ZNF385D: variants seen among roughly 807,000 people sequenced by gnomAD.
The protein encoded by ZNF385D is zinc finger protein 385D, also known as zinc finger protein 659.
In ZNF385D, 15 loss-of-function variants were observed where a neutral mutation model predicts 35.8. That is an observed-to-expected ratio of 0.42 (90% CI 0.28 to 0.64). The LOEUF (loss-of-function observed/expected upper bound fraction) is 0.64, where lower values mean the gene tolerates loss of function less well. Among genes scored for constraint, ZNF385D ranks in the 30% least tolerant of loss-of-function variants. ZNF385D has a pLI of 0.23. For missense variants in ZNF385D, 474 were observed against 494.6 expected, an observed-to-expected ratio of 0.96 and a Z score of 0.39; for synonymous variants, 212 against 186.8, an observed-to-expected ratio of 1.13 and a Z score of -1.10.
chr3:22,181,084 T>G (rs143777589), intron 2 of ZNF385D, among the ~76,000 whole-genome samples: 1 of 152,162 alleles, frequency 6.6e-6, no homozygotes, highest in East Asian at 1.9e-4. Flanking sequence ...AATATAGACT[T>G]TCTTATATTA....
intron 2 of ZNF385D, among the ~76,000 whole-genome samples, chr3:22,178,345 G>A (rs1694976915): frequency 6.6e-6 from 1 of 152,204 alleles, no homozygotes; most frequent in Non-Finnish European, 1.5e-5. Flanking sequence ...GTGATGATAA[G>A]CATTTTTTCA....
chr3:22,190,223 A>C (rs1359758753), intron 2 of ZNF385D, among the ~76,000 whole-genome samples: 1 of 152,284 alleles, frequency 6.6e-6, no homozygotes, highest in African/African-American at 2.4e-5. Context: ...TTGAAAATCA[A>C]ATCTATGAGA....
intron 2 of ZNF385D, among the ~76,000 whole-genome samples, chr3:22,184,072 C>G (rs2336676): frequency 0.14 from 21,250 of 152,054 alleles, 1,593 homozygotes; most frequent in East Asian, 0.24. Flanking sequence ...GAGTTCTGAT[C>G]ATTAATTTAC....
intron 2 of ZNF385D, among the ~76,000 whole-genome samples, chr3:21,600,777 G>A (rs773247490): frequency 6.6e-6 from 1 of 151,878 alleles, no homozygotes; most frequent in Non-Finnish European, 1.5e-5. Context: ...AAAGGATGCT[G>A]ATGAATATCC....
chr3:22,163,421 G>A (rs183687350), intron 3 of ZNF385D, among the ~76,000 whole-genome samples: 2 of 152,114 alleles, frequency 1.3e-5, no homozygotes, highest in African/African-American at 4.8e-5. Context: ...GCTTTTCACT[G>A]TGATCTTCAG....
At chr3:21,901,312 G>C (rs901089466) in intron 3 of ZNF385D, among the ~76,000 whole-genome samples, 1 of 151,994 alleles carries the variant, frequency 6.6e-6, no homozygotes, top group African/African-American at 2.4e-5. Context: ...CCTAAACTTT[G>C]GTTTACAGTT....
At chr3:21,687,108 A>G in intron 1 of ZNF385D, among the ~76,000 whole-genome samples, 1 of 152,206 alleles carries the variant, frequency 6.6e-6, no homozygotes, top group Non-Finnish European at 1.5e-5. Flanking sequence ...AGGAAGCCAG[A>G]CCAGCTTCTG....
At chr3:21,477,085 C>T (rs973431128) in intron 4 of ZNF385D, among the ~76,000 whole-genome samples, 7 of 152,172 alleles carry the variant, frequency 4.6e-5, no homozygotes, top group East Asian at 1.9e-4. Flanking sequence ...CAAGAGACTA[C>T]GCCACTCCAG....
intron 3 of ZNF385D, among the ~76,000 whole-genome samples, chr3:22,027,596 G>A (rs868701305): frequency 1.8e-4 from 28 of 152,232 alleles, no homozygotes; most frequent in African/African-American, 6.3e-4. Flanking sequence ...TTTGACTATG[G>A]CTCATCAAAT....
At chr3:22,239,294 G>A (rs909867023) in intron 2 of ZNF385D, among the ~76,000 whole-genome samples, 16 of 150,958 alleles carry the variant, frequency 1.1e-4, no homozygotes, top group South Asian at 2.2e-4. Context: ...GTGCTTTCAC[G>A]CTAAAATGGT....
At chr3:22,212,861 T>G (rs1312042976) in intron 2 of ZNF385D, among the ~76,000 whole-genome samples, 1 of 152,006 alleles carries the variant, frequency 6.6e-6, no homozygotes, top group African/African-American at 2.4e-5. Flanking sequence ...TATTAAGTAA[T>G]ACTTAATTTC....
rs543641993 is a variant in ZNF385D, at chr3:21,536,408, T to C, written c.277-25385A>G. ...ATAGCTTCTCCCATTTCTCCTAATG[T>C]TGTCTCCATTTATTGTCATGGTGTG... On this transcript the variant is annotated intron_variant, in intron 3 of 7. Transcript: ENST00000281523. 7.0e-4 allele frequency among the ~76,000 whole-genome samples: 107 copies of C among 152,238 alleles called. 2 individuals are homozygous for C. The highest frequency in any genetic ancestry group is 7.4e-4 in the Non-Finnish European group (50 of 68,026).
At chr3:22,289,898 A>G (rs937106) in intron 2 of ZNF385D, among the ~76,000 whole-genome samples, 12,252 of 152,072 alleles carry the variant, frequency 0.081, 1,290 homozygotes, top group African/African-American at 0.25. Flanking sequence ...AGCTCAGTTA[A>G]CTCTCTAATG....
At chr3:22,099,897 C>A (rs1335782879) in intron 3 of ZNF385D, among the ~76,000 whole-genome samples, 2 of 103,636 alleles carry the variant, frequency 1.9e-5, no homozygotes, top group South Asian at 3.2e-4. Context: ...GAACTGAGAT[C>A]CTGGTAAAAC....
At chr3:21,708,298 G>T (rs1473960892) in intron 1 of ZNF385D, among the ~76,000 whole-genome samples, 2 of 152,226 alleles carry the variant, frequency 1.3e-5, no homozygotes, top group Non-Finnish European at 2.9e-5. Flanking sequence ...TCTGCAAGCA[G>T]TATTTCATGT....
chr3:21,706,429 T>A (rs1275442945), intron 1 of ZNF385D, among the ~76,000 whole-genome samples: 1 of 152,170 alleles, frequency 6.6e-6, no homozygotes, highest in African/African-American at 2.4e-5. Flanking sequence ...TGGTAAAAAC[T>A]ACAGTGATGC....
At chr3:21,660,084 G>T (rs1007396429) in intron 2 of ZNF385D, among the ~76,000 whole-genome samples, 13 of 151,720 alleles carry the variant, frequency 8.6e-5, no homozygotes, top group African/African-American at 3.1e-4. Context: ...GGAGTCAGCT[G>T]CTAGGACTTG....
At chr3:22,014,030 C>T (rs1008835487) in intron 3 of ZNF385D, among the ~76,000 whole-genome samples, 3 of 151,968 alleles carry the variant, frequency 2.0e-5, no homozygotes, top group Non-Finnish European at 2.9e-5. Context: ...GAAGCAACCC[C>T]AAGAAATACA....
intron 2 of ZNF385D, among the ~76,000 whole-genome samples, chr3:21,658,570 A>G (rs1196898195): frequency 1.3e-5 from 2 of 150,402 alleles, no homozygotes; most frequent in Non-Finnish European, 3.0e-5. Flanking sequence ...ATTTATCTAT[A>G]TCTATTACCT....
Sources: allele counts gnomAD v4.1 joint callset (sites outside exome capture counted in the v4.1 genomes callset), GRCh38; gene constraint gnomAD v4.1.1; transcripts MANE v1.5; gene names NCBI Gene and HGNC (gene_info 2026-07-23, HGNC 2026-07-21).